Variants in ARHGAP42 observed in about 807,000 individuals in gnomAD.
ARHGAP42 encodes Rho GTPase activating protein 42.
Under a neutral mutation model 125.0 loss-of-function variants are expected in ARHGAP42, and 63 were observed. The observed-to-expected ratio is 0.50, with a 90% CI of 0.41 to 0.62. ARHGAP42 has a LOEUF of 0.62. Ranked by LOEUF, ARHGAP42 falls within the 20% of genes least tolerant of loss-of-function variation. ARHGAP42 has a pLI of 0.00. For synonymous variants in ARHGAP42, 339 were observed against 351.0 expected (o/e 0.97, Z 0.38); for missense variants, 766 against 1,024.2 (o/e 0.75, Z 3.44).
chr11:100,704,278 G>A (rs921819572), intron 1 of ARHGAP42, among the ~76,000 whole-genome samples: 2 of 152,192 alleles, frequency 1.3e-5, no homozygotes, highest in African/African-American at 4.8e-5. Context: ...GGATCTGTGA[G>A]TTAAAAAGGA....
chr11:100,970,235 C>T (rs781393790), intron 17 of ARHGAP42, among the ~76,000 whole-genome samples: 2 of 152,110 alleles, frequency 1.3e-5, no homozygotes, highest in Non-Finnish European at 1.5e-5. Flanking sequence ...GTGATCCACC[C>T]GCCTTGGCCT....
At chr11:100,960,681 G>A (rs1286542517) in intron 13 of ARHGAP42, among the ~76,000 whole-genome samples, 2 of 152,094 alleles carry the variant, frequency 1.3e-5, no homozygotes, top group African/African-American at 4.8e-5. Flanking sequence ...ATGGTGAATA[G>A]GCAGCTACAC....
At chr11:100,770,572 T>A in intron 2 of ARHGAP42, 134 bp downstream of exon 2, 1 of 701,164 alleles carries the variant, frequency 1.4e-6, no homozygotes, top group Non-Finnish European at 2.2e-6. Context: ...TTTAGGTTTC[T>A]ATGGAAGAAA....
intron 1 of ARHGAP42, among the ~76,000 whole-genome samples, chr11:100,744,535 A>ACT (rs1862254758): frequency 8.8e-6 from 1 of 113,312 alleles, no homozygotes; most frequent in African/African-American, 3.6e-5. Context: ...TTTATATTTT[A>ACT]CTCTGTGTGT....
chr11:100,918,856 C>G (rs1867155636), intron 5 of ARHGAP42, among the ~76,000 whole-genome samples: 2 of 152,062 alleles, frequency 1.3e-5, no homozygotes, highest in South Asian at 4.1e-4. Context: ...CTTCTCATTC[C>G]CCTTTTTGGA....
Position 100,727,148 on chromosome 11 carries a change from A to T in ARHGAP42, c.154+39316A>T, listed in dbSNP as rs111563478. Among the ~76,000 whole-genome samples, 932 of 152,330 alleles carry T rather than the reference A, an allele frequency of 6.1e-3. 4 individuals carry two copies. Among genetic ancestry groups the T allele is most frequent in the Non-Finnish European group, 9.3e-3 (630 of 68,032 alleles). On this transcript the variant is annotated intron_variant, in intron 1 of 23. Coordinates refer to ENST00000298815, the MANE Select transcript of ARHGAP42 (RefSeq NM_152432.4). Reference sequence around the variant, plus strand: ...TTCATTCTGAAGTTTTTCTTTTTCTAATAGTTTGATTTGAAGTGATTTTGT... The same window carrying T: ...TTCATTCTGAAGTTTTTCTTTTTCTTATAGTTTGATTTGAAGTGATTTTGT...
intron 10 of ARHGAP42, among the ~76,000 whole-genome samples, chr11:100,947,398 G>GTC (rs1868055921): frequency 6.6e-6 from 1 of 151,804 alleles, no homozygotes; most frequent in South Asian, 2.1e-4. Flanking sequence ...TTAATGCTTT[G>GTC]TCTTAACACA....
At chr11:100,975,989 G>A in intron 19 of ARHGAP42, 68 bp from the exon 20 acceptor site, 3 of 1,437,494 alleles carry the variant, frequency 2.1e-6, no homozygotes, top group Non-Finnish European at 2.8e-6. Context: ...AGAACAGAAG[G>A]GTTTTGGTGA....
At chr11:100,948,611 T>C in intron 11 of ARHGAP42, 76 bp downstream of exon 11, 3 of 1,168,460 alleles carry the variant, frequency 2.6e-6, no homozygotes, top group Non-Finnish European at 3.6e-6. Context: ...CTTTTCATAG[T>C]ATACAATGTT....
chr11:100,720,510 T>G (rs1861740416), intron 1 of ARHGAP42, among the ~76,000 whole-genome samples: 1 of 151,752 alleles, frequency 6.6e-6, no homozygotes, highest in East Asian at 1.9e-4. Flanking sequence ...TTTGTTCTCA[T>G]GGGGGAAAAA....
At chr11:100,880,899 T>A (rs1231517342) in intron 4 of ARHGAP42, among the ~76,000 whole-genome samples, 1 of 152,090 alleles carries the variant, frequency 6.6e-6, no homozygotes, top group East Asian at 1.9e-4. Flanking sequence ...TACCTTCTTT[T>A]GAGAATTTTT....
chr11:100,758,838 C>T (rs542259514), intron 1 of ARHGAP42, among the ~76,000 whole-genome samples: 5 of 152,150 alleles, frequency 3.3e-5, no homozygotes, highest in Admixed American at 6.5e-5. Flanking sequence ...AACTTGGCCA[C>T]CTAGCAAAAC....
intron 6 of ARHGAP42, among the ~76,000 whole-genome samples, chr11:100,922,912 A>G (rs1867319790): frequency 6.6e-6 from 1 of 152,246 alleles, no homozygotes; most frequent in Non-Finnish European, 1.5e-5. Flanking sequence ...ACCACCACTC[A>G]GGCTCAGGGA....
At chr11:100,867,275 A>G (rs946861599) in intron 4 of ARHGAP42, among the ~76,000 whole-genome samples, 2 of 152,232 alleles carry the variant, frequency 1.3e-5, no homozygotes, top group Admixed American at 6.5e-5. Flanking sequence ...TCTCTTCTCT[A>G]GCTATGAAAG....
At chr11:100,910,607 A>G (rs1159389984) in intron 4 of ARHGAP42, among the ~76,000 whole-genome samples, 1 of 150,746 alleles carries the variant, frequency 6.6e-6, no homozygotes, top group Non-Finnish European at 1.5e-5. Flanking sequence ...CAAGTAACAC[A>G]AGAGACAAGA....
chr11:100,726,136 G>C (rs1395709768), intron 1 of ARHGAP42, among the ~76,000 whole-genome samples: 1 of 149,600 alleles, frequency 6.7e-6, no homozygotes, highest in African/African-American at 2.5e-5. Flanking sequence ...GCAGAGTTAA[G>C]AAATGAAAAT....
intron 3 of ARHGAP42, among the ~76,000 whole-genome samples, chr11:100,814,812 C>T (rs1430605455): frequency 6.6e-6 from 1 of 152,238 alleles, no homozygotes; most frequent in East Asian, 1.9e-4. Flanking sequence ...CACTAGGCCT[C>T]ACTTCCAACA....
chr11:100,925,287 G>A (rs1410087587), intron 6 of ARHGAP42, among the ~76,000 whole-genome samples: 1 of 151,972 alleles, frequency 6.6e-6, no homozygotes, highest in Non-Finnish European at 1.5e-5. Context: ...AGGATGTGCT[G>A]TAAATATAAA....
chr11:100,974,611 C>G lies in ARHGAP42; in HGVS notation c.1855+8C>G, dbSNP rs1858341463. ...GCCTGGCCGAACCTGATAGTAAGTG[C>G]ACCCGGCCTTAGGGAGATGCTTTCT... On this transcript the variant is annotated splice_region_variant and intron_variant, in intron 19 of 23. Transcript: ENST00000298815. 1 of 1,548,548 alleles carries G rather than the reference C, an allele frequency of 6.5e-7. No homozygotes were observed.
Sources: gnomAD v4.1 joint callset for allele counts (sites outside exome capture counted in the v4.1 genomes callset) on GRCh38, gnomAD v4.1.1 for gene constraint, MANE v1.5 for transcripts, NCBI Gene and HGNC (gene_info 2026-07-23, HGNC 2026-07-21) for gene names.